RBPJ: variants seen among roughly 807,000 people sequenced by gnomAD.
RBPJ encodes recombination signal binding protein for immunoglobulin kappa J region.
A neutral mutation model predicts 67.8 loss-of-function variants in RBPJ; 9 were observed. That is an observed-to-expected ratio of 0.13 (90% CI 0.08 to 0.23). The LOEUF is 0.23. Ranked by LOEUF, RBPJ falls within the 10% of genes least tolerant of loss-of-function variation. RBPJ has a pLI of 1.00. For synonymous variants in RBPJ, 198 were observed against 203.3 expected, an observed-to-expected ratio of 0.97 and a Z score of 0.22; for missense variants, 305 against 595.6, an observed-to-expected ratio of 0.51 and a Z score of 5.08.
intron 8 of RBPJ, 48 bp downstream of exon 8, chr4:26,428,908 G>GT: frequency 6.9e-7 from 1 of 1,450,588 alleles, no homozygotes; most frequent in Non-Finnish European, 9.6e-7. Flanking sequence ...AAACTGTGAG[G>GT]TTAGCAGCTT....
the RBPJ span, among the ~76,000 whole-genome samples, chr4:26,151,536 G>A: frequency 2.6e-5 from 4 of 152,164 alleles, no homozygotes; most frequent in African/African-American, 9.7e-5. Context: ...CTTGGTCATG[G>A]ATATGATATT....
chr4:26,255,807 AAAAAAAAAAAAG>A (rs943788555), intron 1 of RBPJ, among the ~76,000 whole-genome samples: 1 of 151,244 alleles, frequency 6.6e-6, no homozygotes, highest in African/African-American at 2.4e-5. Flanking sequence ...GTCTCAAAAA[AAAAAAAAAAAAG>A]AAAAGAAAAA....
intron 1 of RBPJ, among the ~76,000 whole-genome samples, chr4:26,255,407 A>AAT: frequency 6.8e-6 from 1 of 146,938 alleles, no homozygotes; most frequent in Non-Finnish European, 1.5e-5. Flanking sequence ...CCGTCTCAAA[A>AAT]AAAAAAAAAA....
intron 1 of RBPJ, among the ~76,000 whole-genome samples, chr4:26,338,710 G>T (rs185334739): frequency 6.6e-6 from 1 of 152,110 alleles, no homozygotes; most frequent in East Asian, 1.9e-4. Context: ...GAGTAGCTGG[G>T]ATTACAGGTG....
upstream of RBPJ, among the ~76,000 whole-genome samples, chr4:26,314,767 T>C (rs972402273): frequency 7.9e-5 from 12 of 152,136 alleles, no homozygotes; most frequent in Admixed American, 1.3e-4. Context: ...TTACCCAGTC[T>C]TAGGTATTTC....
At chr4:26,143,234 C>G in the RBPJ span, among the ~76,000 whole-genome samples, 4 of 152,218 alleles carry the variant, frequency 2.6e-5, no homozygotes, top group African/African-American at 9.6e-5. Flanking sequence ...TTGTCTCTCA[C>G]CTGAGTTATG....
At chr4:26,179,037 A>C (rs534423287) in intron 1 of RBPJ, among the ~76,000 whole-genome samples, 15 of 152,188 alleles carry the variant, frequency 9.9e-5, no homozygotes, top group African/African-American at 3.4e-4. Flanking sequence ...CCAGCTGCTA[A>C]TTGACGTCAC....
intron 1 of RBPJ, among the ~76,000 whole-genome samples, chr4:26,293,974 T>C (rs533847202): frequency 2.8e-4 from 43 of 152,262 alleles, no homozygotes; most frequent in Non-Finnish European, 5.0e-4. Context: ...GCCAAGCTGG[T>C]CTCGAGCTCC....
chr4:26,117,306 T>G, the RBPJ span, among the ~76,000 whole-genome samples: 2 of 152,078 alleles, frequency 1.3e-5, no homozygotes, highest in Non-Finnish European at 2.9e-5. Flanking sequence ...AGCCCAAGCA[T>G]CCTGCCCTGG....
intron 1 of RBPJ, among the ~76,000 whole-genome samples, chr4:26,238,096 C>G (rs1719511840): frequency 6.6e-6 from 1 of 152,180 alleles, no homozygotes; most frequent in Non-Finnish European, 1.5e-5. Context: ...GGGTCTCACC[C>G]TGTTGCCCAG....
At chr4:26,236,029 C>A (rs1719439798) in intron 1 of RBPJ, among the ~76,000 whole-genome samples, 2 of 152,228 alleles carry the variant, frequency 1.3e-5, no homozygotes, top group African/African-American at 4.8e-5. Context: ...AGCTGAAGTT[C>A]ATGAGAGGTA....
chr4:26,320,947 G>A, upstream of RBPJ: 1 of 1,612,334 alleles, frequency 6.2e-7, no homozygotes, highest in East Asian at 2.2e-5. Flanking sequence ...GAGGAAAAAG[G>A]GAAGGGGCGG....
At chr4:26,128,733 T>C in the RBPJ span, among the ~76,000 whole-genome samples, 1 of 152,170 alleles carries the variant, frequency 6.6e-6, no homozygotes, top group Non-Finnish European at 1.5e-5. Context: ...TCATCTTGAA[T>C]TGTAGCTCCC....
chr4:26,259,136 G>A (rs1720447632), intron 1 of RBPJ, among the ~76,000 whole-genome samples: 1 of 152,056 alleles, frequency 6.6e-6, no homozygotes, highest in Admixed American at 6.6e-5. Flanking sequence ...ACAAAAAAAA[G>A]TCAGAAGGAG....
At chr4:26,343,247 T>C (rs1355206366) in intron 1 of RBPJ, 1 of 152,210 alleles carries the variant, frequency 6.6e-6, no homozygotes, top group Non-Finnish European at 1.5e-5. Flanking sequence ...CTTATGACTT[T>C]AAGGAATTTG....
At chr4:26,394,472 A>G (rs1177977184) in intron 2 of RBPJ, among the ~76,000 whole-genome samples, 1 of 143,634 alleles carries the variant, frequency 7.0e-6, no homozygotes, top group Non-Finnish European at 1.5e-5. Flanking sequence ...TGTCAGTTCA[A>G]AAAAAAAAAA....
chr4:26,234,791 C>T (rs1471469033), intron 1 of RBPJ, among the ~76,000 whole-genome samples: 2 of 152,226 alleles, frequency 1.3e-5, no homozygotes, highest in East Asian at 3.9e-4. Context: ...CTCCCTGGTT[C>T]AAGCGATTCT....
At chr4:26,188,865 T>C (rs181026662) in intron 1 of RBPJ, among the ~76,000 whole-genome samples, 126 of 152,378 alleles carry the variant, frequency 8.3e-4, no homozygotes, top group Non-Finnish European at 1.5e-3. Context: ...TACATTGATA[T>C]AGATCTGATT....
chr4:26,390,251 A>G (rs1000637556), intron 2 of RBPJ, among the ~76,000 whole-genome samples: 4 of 152,198 alleles, frequency 2.6e-5, no homozygotes, highest in African/African-American at 9.7e-5. Flanking sequence ...ATAAAAGAGA[A>G]TTTCCTCATC....
Sources: allele counts gnomAD v4.1 joint callset (sites outside exome capture counted in the v4.1 genomes callset), GRCh38; gene constraint gnomAD v4.1.1; transcripts MANE v1.5; gene names NCBI Gene and HGNC (gene_info 2026-07-23, HGNC 2026-07-21).